The following EBF1 variants were observed in gnomAD, a reference collection of about 807,000 sequenced individuals.
EBF1 encodes EBF transcription factor 1, also known as transcription factor COE1.
EBF1 carries 10 observed loss-of-function variants against 68.4 expected under a neutral mutation model. That is an observed-to-expected ratio of 0.15 (90% CI 0.09 to 0.25). The LOEUF (loss-of-function observed/expected upper bound fraction) is 0.25. Among genes scored for constraint, EBF1 ranks in the 10% least tolerant of loss-of-function variants. The probability of loss-of-function intolerance (pLI) is 1.00; values close to 1 mark genes in which losing one functional copy is unlikely to be tolerated. For missense variants in EBF1, 509 were observed against 794.4 expected (o/e 0.64, Z 4.32); for synonymous variants, 298 against 299.8 (o/e 0.99, Z 0.06).
rs374478313 is a variant in EBF1, at chr5:158,711,674, C to CT, written c.1549+479dup. The stretch of plus-strand genomic sequence containing the variant: ...TTGTTTATGGGGGTTTTTTTGTTTG[C>CT]TTTTTTTTTTTCTTTGAGACGGAGT... On this transcript the variant is annotated intron_variant, in intron 14 of 15. Transcript: ENST00000313708. 3.5e-3 allele frequency among the ~76,000 whole-genome samples: 512 copies of CT among 146,554 alleles called. 2 individuals are homozygous for CT. Among genetic ancestry groups the CT allele is most frequent in the African/African-American group, 0.011 (462 of 40,218 alleles).
In EBF1 at chr5:158,705,450, C is replaced by T. The variant is rs188468610; in HGVS notation, c.1744+2529G>A. Reference sequence around the variant, plus strand: ...TGAATCAGACCTCAAACCTCCCACACTGTGGCCCTGTGTTAGGAAAGGTGA... The same window carrying T: ...TGAATCAGACCTCAAACCTCCCACATTGTGGCCCTGTGTTAGGAAAGGTGA... On this transcript the variant is annotated intron_variant, in intron 15 of 15. Transcript: ENST00000313708. Among the ~76,000 whole-genome samples, 599 of 152,336 alleles carry T rather than the reference C, an allele frequency of 3.9e-3. 2 individuals are homozygous for T. The highest frequency in any genetic ancestry group is 6.1e-3 in the Non-Finnish European group (414 of 68,026).
intron 6 of EBF1, among the ~76,000 whole-genome samples, chr5:158,908,206 C>T (rs1174640456): frequency 1.3e-5 from 2 of 152,180 alleles, no homozygotes; most frequent in African/African-American, 4.8e-5. Context: ...ACAATTATTT[C>T]CCAAACTGTT....
At chr5:158,952,764 G>A (rs991412433) in intron 6 of EBF1, among the ~76,000 whole-genome samples, 11 of 152,026 alleles carry the variant, frequency 7.2e-5, no homozygotes, top group Admixed American at 7.2e-4. Context: ...AAGTTGCTTC[G>A]TGTGCCCTAA....
rs1207655031 is a variant in EBF1, at chr5:158,823,335, AAATG to A, written c.637-22_637-19del. ...ACCACGACCTGGAGACATAAGAAAG[AAATG>A]AATGAACATTTTAATATAAAAGCGT... On this transcript the variant is annotated intron_variant, in intron 7 of 15. Coordinates refer to ENST00000313708, the MANE Select transcript of EBF1 (RefSeq NM_024007.5). The A allele has an allele frequency of 1.3e-6, 2 of 1,593,946 alleles. No homozygotes were observed. The highest frequency in any genetic ancestry group is 1.4e-5 in the African/African-American group (1 of 74,066).
chr5:159,040,965 A>G (rs1771085216), intron 6 of EBF1, among the ~76,000 whole-genome samples: 1 of 150,906 alleles, frequency 6.6e-6, no homozygotes, highest in Non-Finnish European at 1.5e-5. Flanking sequence ...GACAAGAGAC[A>G]CCAATAAACA....
chr5:159,038,386 A>T (rs1365590244), intron 6 of EBF1, among the ~76,000 whole-genome samples: 2 of 152,200 alleles, frequency 1.3e-5, no homozygotes, highest in African/African-American at 4.8e-5. Flanking sequence ...GAGACTTTTT[A>T]TGTATACATT....
intron 6 of EBF1, among the ~76,000 whole-genome samples, chr5:158,944,004 G>A (rs1028058732): frequency 4.6e-5 from 7 of 152,182 alleles, no homozygotes; most frequent in African/African-American, 1.4e-4. Flanking sequence ...AGCACTCCAA[G>A]CAGCCACAAG....
At chr5:158,752,636 A>G (rs937513417) in intron 10 of EBF1, among the ~76,000 whole-genome samples, 1 of 152,142 alleles carries the variant, frequency 6.6e-6, no homozygotes, top group African/African-American at 2.4e-5. Context: ...AACTGTTTTT[A>G]GATACTGTCC....
intron 8 of EBF1, among the ~76,000 whole-genome samples, chr5:158,820,314 A>G (rs1784583777): frequency 6.6e-6 from 1 of 152,106 alleles, no homozygotes; most frequent in Non-Finnish European, 1.5e-5. Flanking sequence ...TATGATTCTC[A>G]AAGTCTTTTA....
intron 5 of EBF1, among the ~76,000 whole-genome samples, chr5:159,080,526 G>A (rs1232897964): frequency 6.6e-6 from 1 of 152,164 alleles, no homozygotes; most frequent in Non-Finnish European, 1.5e-5. Flanking sequence ...GAATGTTTTG[G>A]TAGACATTTC....
chr5:158,713,213 C>T, intron 12 of EBF1, 66 bp from the exon 13 acceptor site: 1 of 1,301,120 alleles, frequency 7.7e-7, no homozygotes, highest in Non-Finnish European at 9.9e-7. Flanking sequence ...ACCATTTTTT[C>T]GGTGCCAGGT....
At chr5:158,731,269 T>G in intron 10 of EBF1, 112 bp from the exon 11 acceptor site, 1 of 959,078 alleles carries the variant, frequency 1.0e-6, no homozygotes, top group South Asian at 1.6e-5. Context: ...AACTGATACT[T>G]TTGAATTGGA....
intron 6 of EBF1, among the ~76,000 whole-genome samples, chr5:158,957,456 T>C (rs1817363515): frequency 6.6e-6 from 1 of 152,254 alleles, no homozygotes; most frequent in Non-Finnish European, 1.5e-5. Context: ...CTATAGGAGA[T>C]GCTGAATCAA....
At chr5:158,702,080 C>T (rs1274740391) in intron 15 of EBF1, among the ~76,000 whole-genome samples, 1 of 152,192 alleles carries the variant, frequency 6.6e-6, no homozygotes, top group Non-Finnish European at 1.5e-5. Flanking sequence ...CCAATCATGA[C>T]TTCCTAAACT....
chr5:158,742,371 T>C (rs1258887960), intron 10 of EBF1, among the ~76,000 whole-genome samples: 1 of 152,244 alleles, frequency 6.6e-6, no homozygotes, highest in Non-Finnish European at 1.5e-5. Flanking sequence ...TATATGTTCC[T>C]TTTGGAAAAG....
chr5:158,931,249 C>T (rs926189012), intron 6 of EBF1, among the ~76,000 whole-genome samples: 11 of 152,180 alleles, frequency 7.2e-5, no homozygotes, highest in African/African-American at 1.9e-4. Context: ...TTTCCTATAG[C>T]GGTGTTGCTG....
chr5:158,860,862 C>T (rs1794849743), intron 6 of EBF1, among the ~76,000 whole-genome samples: 1 of 152,150 alleles, frequency 6.6e-6, no homozygotes, highest in Non-Finnish European at 1.5e-5. Flanking sequence ...CCTCCAGCAC[C>T]CTGCACAAGG....
intron 6 of EBF1, among the ~76,000 whole-genome samples, chr5:158,932,077 C>A (rs1361428694): frequency 6.6e-6 from 1 of 152,170 alleles, no homozygotes; most frequent in African/African-American, 2.4e-5. Flanking sequence ...GGGGAGGGAG[C>A]ACACATTGGC....
intron 8 of EBF1, 115 bp from the exon 9 acceptor site, chr5:158,796,590 G>T: frequency 7.7e-7 from 1 of 1,293,160 alleles, no homozygotes; most frequent in Non-Finnish European, 1.0e-6. Context: ...CTAACAGAAA[G>T]TCCCTCAAGA....
Sources: allele counts gnomAD v4.1 joint callset (sites outside exome capture counted in the v4.1 genomes callset), GRCh38; gene constraint gnomAD v4.1.1; transcripts MANE v1.5; gene names NCBI Gene and HGNC (gene_info 2026-07-23, HGNC 2026-07-21).